The following ZNF407 variants were observed in gnomAD, a reference collection of about 807,000 sequenced individuals.
ZNF407 encodes zinc finger protein 407.
Under a neutral mutation model 131.2 loss-of-function variants are expected in ZNF407, and 17 were observed. The ratio of observed to expected loss-of-function variants is 0.13; its 90% CI spans 0.09 to 0.19. ZNF407 has a LOEUF of 0.19. Ranked by LOEUF, ZNF407 falls within the 10% of genes least tolerant of loss-of-function variation. ZNF407 has a pLI of 1.00. For synonymous variants in ZNF407, 1,156 were observed against 1,062.0 expected, an observed-to-expected ratio of 1.09 and a Z score of -1.72; for missense variants, 2,681 against 2,830.6, an observed-to-expected ratio of 0.95 and a Z score of 1.20.
At position 74,896,699 on chromosome 18, in the gene ZNF407, G is replaced by A. The variant is rs111378760; in HGVS notation, c.5249+6661G>A. ...TTGTGTCATGATGACACTTTATACC[G>A]GTGTACTCCCTTTCACGTGGAGTAG... is the stretch of plus-strand genomic sequence containing the variant. On this transcript the variant is annotated intron_variant, in intron 7 of 8. Transcript: ENST00000299687. 7.4e-3 allele frequency among the ~76,000 whole-genome samples: 1,125 copies of A among 152,238 alleles called. 25 individuals are homozygous for A. Among genetic ancestry groups the A allele is most frequent in the African/African-American group, 0.026 (1,062 of 41,548 alleles).
At chr18:75,047,745 A>G (rs1349591953) in intron 8 of ZNF407, among the ~76,000 whole-genome samples, 1 of 152,252 alleles carries the variant, frequency 6.6e-6, no homozygotes, top group African/African-American at 2.4e-5. Context: ...GGACATATAT[A>G]AAAGCTGAGA....
At chr18:74,617,465 G>A (rs1441141931) in intron 1 of ZNF407, among the ~76,000 whole-genome samples, 1 of 152,180 alleles carries the variant, frequency 6.6e-6, no homozygotes, top group African/African-American at 2.4e-5. Flanking sequence ...GAATATTTTT[G>A]TATGAAGCCT....
At chr18:74,780,904 T>C (rs567227119) in intron 3 of ZNF407, among the ~76,000 whole-genome samples, 1 of 152,278 alleles carries the variant, frequency 6.6e-6, no homozygotes, top group South Asian at 2.1e-4. Flanking sequence ...GATATCTAGG[T>C]ACTTCAATAT....
chr18:74,955,179 A>G (rs116494614), intron 8 of ZNF407, among the ~76,000 whole-genome samples: 1,644 of 152,190 alleles, frequency 0.011, 32 homozygotes, highest in African/African-American at 0.037. Flanking sequence ...GCTGAGCTGC[A>G]GAAGTTGTGG....
chr18:75,012,300 A>ATAGCAGGCTC (rs1568300445), intron 8 of ZNF407, among the ~76,000 whole-genome samples: 13 of 109,146 alleles, frequency 1.2e-4, no homozygotes, highest in East Asian at 2.7e-4. Context: ...CACATAGTGT[A>ATAGCAGGCTC]TGTACACATA....
At chr18:74,880,453 A>G (rs967580452) in intron 5 of ZNF407, among the ~76,000 whole-genome samples, 9 of 152,204 alleles carry the variant, frequency 5.9e-5, no homozygotes, top group Admixed American at 2.0e-4. Context: ...AAACATAAAC[A>G]GCATTGAATT....
intron 4 of ZNF407, among the ~76,000 whole-genome samples, chr18:74,784,388 A>C (rs916847497): frequency 1.3e-5 from 2 of 152,234 alleles, no homozygotes; most frequent in Admixed American, 1.3e-4. Context: ...ATATATGCAA[A>C]AATTATAATT....
Position 74,634,408 on chromosome 18 carries a change from T to C in ZNF407, c.3389T>C (p.Leu1130Ser), listed in dbSNP as rs768516554. 1 of 1,613,564 alleles carries C rather than the reference T, an allele frequency of 6.2e-7. No homozygotes were observed. The highest frequency in any genetic ancestry group is 8.5e-7 in the Non-Finnish European group (1 of 1,179,864). Residue 1130 changes from leucine (L) to serine (S), a missense_variant, in exon 2 of 9, where the codon TTA (leucine) becomes TCA (serine). This residue lies in a region of ZNF407 where 1,789 missense variants were observed against 1,748.7 expected (regional missense o/e 1.02). Coordinates refer to ENST00000299687, the MANE Select transcript of ZNF407 (RefSeq NM_017757.3). Reference sequence around the variant, plus strand: ...AGAAATGCTGCAGATTGCTCTATTTTAAATGAGAATACTAATTTAGATATG... The same window carrying C: ...AGAAATGCTGCAGATTGCTCTATTTCAAATGAGAATACTAATTTAGATATG... Reference protein sequence around the residue: ...KSRNAADCSILNENTNLDMSK... With the variant: ...KSRNAADCSISNENTNLDMSK...
At chr18:75,028,053 G>C (rs1223556766) in intron 8 of ZNF407, among the ~76,000 whole-genome samples, 2 of 152,164 alleles carry the variant, frequency 1.3e-5, no homozygotes, top group Non-Finnish European at 2.9e-5. Flanking sequence ...TGCAGTCCTG[G>C]AAGATTCCAA....
intron 1 of ZNF407, chr18:74,598,365 A>T (rs4073568): frequency 0.74 from 112,231 of 152,420 alleles, 42,220 homozygotes; most frequent in East Asian, 0.97. Context: ...GTCCGCGCAG[A>T]AACAGTCCCC....
chr18:74,811,345 G>A (rs1281235510), intron 4 of ZNF407, among the ~76,000 whole-genome samples: 6 of 152,116 alleles, frequency 3.9e-5, no homozygotes. Context: ...ACACCAGTTA[G>A]AATGGCAATC....
intron 8 of ZNF407, among the ~76,000 whole-genome samples, chr18:74,977,327 G>A (rs1599274254): frequency 6.6e-6 from 1 of 152,214 alleles, no homozygotes; most frequent in African/African-American, 2.4e-5. Flanking sequence ...AGTCATCAGC[G>A]AAGCTGTGCC....
At chr18:74,691,799 A>C (rs953913510) in intron 3 of ZNF407, among the ~76,000 whole-genome samples, 1 of 152,050 alleles carries the variant, frequency 6.6e-6, no homozygotes, top group African/African-American at 2.4e-5. Flanking sequence ...GACTGAAGTA[A>C]ATAATATTTA....
intron 3 of ZNF407, among the ~76,000 whole-genome samples, chr18:74,777,595 C>G (rs751592693): frequency 7.2e-5 from 11 of 152,282 alleles, no homozygotes; most frequent in African/African-American, 2.6e-4. Flanking sequence ...GACTCTATAT[C>G]CAATCCATAT....
At chr18:74,984,787 G>T (rs1348477732) in intron 8 of ZNF407, among the ~76,000 whole-genome samples, 1 of 152,186 alleles carries the variant, frequency 6.6e-6, no homozygotes, top group Admixed American at 6.5e-5. Context: ...AGTTTCCAGG[G>T]ATCAAAGATG....
chr18:75,042,870 C>T (rs1973389900), intron 8 of ZNF407, among the ~76,000 whole-genome samples: 1 of 152,192 alleles, frequency 6.6e-6, no homozygotes. Context: ...TGCTGCACAT[C>T]CACTGCTCAT....
At chr18:74,951,129 C>T (rs1018413215) in intron 8 of ZNF407, among the ~76,000 whole-genome samples, 34 of 152,164 alleles carry the variant, frequency 2.2e-4, no homozygotes, top group Admixed American at 1.8e-3. Flanking sequence ...CTATTATGAC[C>T]ACTACTACTG....
intron 8 of ZNF407, among the ~76,000 whole-genome samples, chr18:74,948,120 G>A (rs146782336): frequency 2.7e-4 from 41 of 152,184 alleles, no homozygotes; most frequent in African/African-American, 8.2e-4. Flanking sequence ...CTCTTATAGA[G>A]GCTACTATTC....
chr18:74,676,397 A>G (rs981029744), intron 3 of ZNF407, among the ~76,000 whole-genome samples: 2 of 147,460 alleles, frequency 1.4e-5, no homozygotes, highest in Non-Finnish European at 3.0e-5. Flanking sequence ...CCGGCCTAGA[A>G]TATTGTTTTC....
Sources: allele counts gnomAD v4.1 joint callset (sites outside exome capture counted in the v4.1 genomes callset), GRCh38; gene constraint gnomAD v4.1.1; regional missense constraint gnomAD v4.1.1; transcripts MANE v1.5; gene names NCBI Gene and HGNC (gene_info 2026-07-23, HGNC 2026-07-21).